Variants in RC3H1 observed in about 807,000 individuals in gnomAD.
RC3H1 encodes roquin-1.
RC3H1 carries 50 observed loss-of-function variants against 138.2 expected under a neutral mutation model. That is an observed-to-expected ratio of 0.36 (90% confidence interval 0.29 to 0.46). The LOEUF (loss-of-function observed/expected upper bound fraction) is 0.46, where lower values mean the gene tolerates loss of function less well. Ranked by LOEUF, RC3H1 falls within the 20% of genes least tolerant of loss-of-function variation. The pLI is 1.00. For missense variants in RC3H1, 1,031 were observed against 1,388.1 expected (o/e 0.74, Z 4.09); for synonymous variants, 462 against 489.1 (o/e 0.94, Z 0.73).
intron 19 of RC3H1, among the ~76,000 whole-genome samples, chr1:173,940,844 A>T (rs1398938048): frequency 2.0e-5 from 3 of 148,234 alleles, no homozygotes; most frequent in African/African-American, 7.6e-5. Flanking sequence ...TTTTTTTGAG[A>T]CCGTGTCTCA....
chr1:174,004,473 T>A (rs1297880462), intron 1 of RC3H1, among the ~76,000 whole-genome samples: 1 of 151,892 alleles, frequency 6.6e-6, no homozygotes, highest in Non-Finnish European at 1.5e-5. Context: ...GGTTAGCAAA[T>A]CAATCAAGCT....
At chr1:173,949,757 C>G (rs78413038) in intron 14 of RC3H1, among the ~76,000 whole-genome samples, 10 of 152,260 alleles carry the variant, frequency 6.6e-5, no homozygotes, top group Non-Finnish European at 1.0e-4. Flanking sequence ...CCATACCTAA[C>G]AGTGAAAGAT....
intron 14 of RC3H1, among the ~76,000 whole-genome samples, chr1:173,949,334 A>G (rs1659282415): frequency 6.6e-6 from 1 of 151,818 alleles, no homozygotes; most frequent in Non-Finnish European, 1.5e-5. Flanking sequence ...ATGGGTTAAG[A>G]ATAATAGTGA....
chr1:174,011,298 T>G (rs1389041418), intron 1 of RC3H1, among the ~76,000 whole-genome samples: 2 of 151,934 alleles, frequency 1.3e-5, no homozygotes, highest in Non-Finnish European at 2.9e-5. Context: ...ATGAAGAGTC[T>G]TACATTTACT....
At chr1:173,968,611 A>C (rs1288036347) in intron 9 of RC3H1, among the ~76,000 whole-genome samples, 1 of 152,060 alleles carries the variant, frequency 6.6e-6, no homozygotes, top group African/African-American at 2.4e-5. Flanking sequence ...TTTCCCAATA[A>C]TTTTATGGCT....
In RC3H1 at chr1:173,943,539, G is replaced by T; in HGVS notation, c.3038C>A (p.Pro1013His). 1 of 1,614,188 alleles carries T rather than the reference G, an allele frequency of 6.2e-7. No individual in the cohort carries two copies. Reference sequence around the variant, plus strand: ...TGAGATCATCCCAGGCCATTTTGGAGGTGGCGGTGGTGGGGGCTGTGACTG... The same window carrying T: ...TGAGATCATCCCAGGCCATTTTGGATGTGGCGGTGGTGGGGGCTGTGACTG... Reference protein sequence around the residue: ...AGQSQPPPPPPPKWPGMISSE... With the variant: ...AGQSQPPPPPHPKWPGMISSE... The change falls in exon 18 of 20, where the codon CCT becomes CAT. Residue 1013 changes from proline to histidine, a missense_variant. Pro to His is a moderately conservative substitution (Grantham distance 77). Transcript: ENST00000367696.
chr1:173,965,385 G>C (rs1419090223), intron 9 of RC3H1, among the ~76,000 whole-genome samples: 1 of 152,016 alleles, frequency 6.6e-6, no homozygotes, highest in Admixed American at 6.6e-5. Context: ...ACGAGGTTAA[G>C]ATCGAGACCA....
At chr1:173,967,501 T>C (rs1338794809) in intron 9 of RC3H1, among the ~76,000 whole-genome samples, 1 of 152,242 alleles carries the variant, frequency 6.6e-6, no homozygotes. Context: ...CCTCATCAAA[T>C]ACTGGGTAGC....
At chr1:173,980,246 T>C (rs1242255761) in intron 6 of RC3H1, among the ~76,000 whole-genome samples, 1 of 136,370 alleles carries the variant, frequency 7.3e-6, no homozygotes, top group African/African-American at 2.7e-5. Flanking sequence ...ATTCTATCTT[T>C]AGAAATAGGA....
chr1:173,946,536 T>C lies in RC3H1; in HGVS notation c.2901A>G (p.Arg967=). The C allele has an allele frequency of 6.2e-7, 1 of 1,614,124 alleles. No individual in the cohort carries two copies. The highest frequency in any genetic ancestry group is 8.5e-7 in the Non-Finnish European group (1 of 1,179,960). ...GATGGTTCAATTGCTGCAATTCTAG[T>C]CGTAGCTGTTCTCTCTCAGCAGATG... is the stretch of plus-strand genomic sequence containing the variant. ...PLPSAEREQL[R]LELQQLNHQI... The change falls in exon 17 of 20, where the codon CGA becomes CGG. Residue 967 remains arginine, a synonymous_variant. Coordinates refer to ENST00000367696, the MANE Select transcript of RC3H1 (RefSeq NM_172071.4).
intron 1 of RC3H1, among the ~76,000 whole-genome samples, chr1:173,999,637 A>T (rs1412691527): frequency 6.6e-6 from 1 of 152,242 alleles, no homozygotes; most frequent in Admixed American, 6.5e-5. Context: ...ATGCATCTGG[A>T]AAGACGTAGA....
chr1:173,985,859 T>C (rs975473192), intron 2 of RC3H1, among the ~76,000 whole-genome samples: 12 of 152,342 alleles, frequency 7.9e-5, no homozygotes, highest in South Asian at 6.2e-4. Flanking sequence ...TCCTTTCATA[T>C]GCTTATTATC....
chr1:173,965,553 T>C (rs995126415), intron 9 of RC3H1, among the ~76,000 whole-genome samples: 2 of 152,088 alleles, frequency 1.3e-5, no homozygotes, highest in East Asian at 1.9e-4. Flanking sequence ...ATCACACCAC[T>C]GAACTCCAGC....
intron 13 of RC3H1, among the ~76,000 whole-genome samples, chr1:173,956,291 C>G (rs1659643710): frequency 6.6e-6 from 1 of 152,054 alleles, no homozygotes; most frequent in Non-Finnish European, 1.5e-5. Flanking sequence ...ATCACATACA[C>G]AATTGTCCAA....
At chr1:173,959,085 T>TAATA (rs1659761589) in intron 13 of RC3H1, among the ~76,000 whole-genome samples, 1 of 152,138 alleles carries the variant, frequency 6.6e-6, no homozygotes. Flanking sequence ...ATATGTGTTA[T>TAATA]CATCACTTCT....
intron 1 of RC3H1, among the ~76,000 whole-genome samples, chr1:174,006,983 T>C (rs1359539813): frequency 1.3e-5 from 2 of 152,092 alleles, no homozygotes; most frequent in African/African-American, 2.4e-5. Context: ...ATTATCAGCA[T>C]CTCAAAAGGC....
At chr1:173,958,034 G>C (rs1659720087) in intron 13 of RC3H1, among the ~76,000 whole-genome samples, 1 of 152,116 alleles carries the variant, frequency 6.6e-6, no homozygotes, top group Admixed American at 6.5e-5. Flanking sequence ...TATTTACTAT[G>C]TGTGATGTAC....
chr1:174,013,751 G>GCCA (rs1661811481), intron 1 of RC3H1, among the ~76,000 whole-genome samples: 1 of 151,206 alleles, frequency 6.6e-6, no homozygotes, highest in Admixed American at 6.6e-5. Context: ...ATATTATTAA[G>GCCA]CAGTAAAATA....
At chr1:173,973,729 T>C (rs1005036958) in intron 7 of RC3H1, among the ~76,000 whole-genome samples, 57 of 152,174 alleles carry the variant, frequency 3.7e-4, no homozygotes, top group Non-Finnish European at 1.0e-4. Context: ...GATAACTTCT[T>C]GCTCAGACAC....
Sources: gnomAD v4.1 joint callset for allele counts (sites outside exome capture counted in the v4.1 genomes callset) on GRCh38, gnomAD v4.1.1 for gene constraint, MANE v1.5 for transcripts, NCBI Gene and HGNC (gene_info 2026-07-23, HGNC 2026-07-21) for gene names.